The following HSPA8 variants were observed in gnomAD, a reference collection of about 807,000 sequenced individuals.
HSPA8 encodes the protein heat shock protein family A (Hsp70) member 8, also known as heat shock cognate 71 kDa protein.
In HSPA8, 2 loss-of-function variants were observed where a neutral mutation model predicts 52.8. The observed-to-expected ratio is 0.04, with a 90% CI of 0.02 to 0.12. The LOEUF (loss-of-function observed/expected upper bound fraction) is 0.12. HSPA8 is among the 10% of genes least tolerant of loss of function. HSPA8 has a pLI of 1.00. For missense variants in HSPA8, 349 were observed against 800.5 expected (o/e 0.44, Z 6.81); for synonymous variants, 436 against 274.0 (o/e 1.59, Z -5.84).
Position 123,060,300 on chromosome 11 carries a change from AC to A in HSPA8, c.412-33del, listed in dbSNP as rs1453987032. 3.7e-6 allele frequency: 6 copies of A among 1,601,552 alleles called. No homozygotes were observed. In the African/African-American group the frequency reaches 8.0e-5, roughly 21 times the overall value. ...ATAAGGAAAAGACCACAGATTGGTA[AC>A]TATTATACTTACATATATGCAAACT... On this transcript the variant is annotated intron_variant, in intron 3 of 8. Transcript: ENST00000534624.
chr11:123,061,387 C>T (rs1174141021), intron 1 of HSPA8, 58 bp from the exon 2 acceptor site: 10 of 1,320,536 alleles, frequency 7.6e-6, no homozygotes, highest in East Asian at 2.4e-5. Context: ...TTCCCTCATC[C>T]CTTAACAGAA....
At chr11:123,059,349 A>G in intron 5 of HSPA8, 88 bp from the exon 6 acceptor site, 1 of 1,384,036 alleles carries the variant, frequency 7.2e-7, no homozygotes, top group Non-Finnish European at 1.0e-6. Flanking sequence ...TCAGACATCC[A>G]AGGAAGGTGT....
In HSPA8 at chr11:123,058,625, T is replaced by TC; in HGVS notation, c.1522+6dup. 5 of 1,609,374 alleles carry TC rather than the reference T, an allele frequency of 3.1e-6. No individual in the cohort carries two copies. The highest frequency in any genetic ancestry group is 4.3e-6 in the Non-Finnish European group (5 of 1,176,040). On this transcript the variant is annotated splice_region_variant and intron_variant, in intron 7 of 8. Transcript: ENST00000534624. Reference sequence around the variant, plus strand: ...CCTGTCAAGACCAGATGACAGTGCCTCCTTACCCTTGTCATTAGTGATAGT... The same window carrying TC: ...CCTGTCAAGACCAGATGACAGTGCCTCCCTTACCCTTGTCATTAGTGATAGT...
Position 123,062,061 on chromosome 11 carries a change from T to C in HSPA8, c.-6+3A>G, listed in dbSNP as rs1029546458. Reference sequence around the variant, plus strand: ...CAACCCAACTCTTGAGCAGAGGTTTTACCTGGGGTGTAGGCCTGGCTCCAA... The same window carrying C: ...CAACCCAACTCTTGAGCAGAGGTTTCACCTGGGGTGTAGGCCTGGCTCCAA... On this transcript the variant is annotated splice_donor_region_variant and intron_variant, in intron 1 of 8. Transcript: ENST00000534624. 11 of 152,582 alleles carry C rather than the reference T, an allele frequency of 7.2e-5. No homozygotes were observed. The highest frequency in any genetic ancestry group is 2.2e-4 in the African/African-American group (9 of 41,442). The allele number at this position is 152,582 out of a possible 1,614,324, so 9.5% of individuals were successfully genotyped here. A position where few individuals can be genotyped will look rare whatever the true frequency, so the allele number is the denominator to read the frequency against.
chr11:123,059,484 G>A lies in HSPA8; in HGVS notation c.1109C>T (p.Ala370Val). ...NKSINPDEAV[A>V]YGAAVQAAIL... ...GATACCATTGTTACCTGCACCATAA[G>A]CAACAGCTTCATCAGGGTTGATGCT... Residue 370 changes from alanine (A) to valine (V), a missense_variant, in exon 5 of 9, where the codon GCT becomes GTT. Transcript: ENST00000534624. 6.2e-7 allele frequency: 1 copy of A among 1,613,222 alleles called. No individual in the cohort carries two copies. Among genetic ancestry groups the A allele is most frequent in the Non-Finnish European group, 8.5e-7 (1 of 1,179,490 alleles).
intron 8 of HSPA8, 41 bp from the exon 9 acceptor site, chr11:123,057,960 G>A: frequency 1.4e-6 from 2 of 1,463,072 alleles, no homozygotes; most frequent in South Asian, 1.3e-5. Context: ...TTCTTTTAAT[G>A]TTAATAACCC....
chr11:123,058,532 T>C (rs368780294), intron 7 of HSPA8, 48 bp from the exon 8 acceptor site: 15 of 1,585,638 alleles, frequency 9.5e-6, no homozygotes, highest in African/African-American at 1.3e-5. Flanking sequence ...TACCTGTGTA[T>C]GTGTAACTCT....
chr11:123,061,796 G>A (rs1865513425), intron 1 of HSPA8: 1 of 164,798 alleles, frequency 6.1e-6, no homozygotes, highest in Non-Finnish European at 1.3e-5. Flanking sequence ...AACCGATGCA[G>A]CAACCCTCCC....
intron 8 of HSPA8, 45 bp from the exon 9 acceptor site, chr11:123,057,964 A>G (rs1342196732): frequency 1.4e-6 from 2 of 1,449,508 alleles, no homozygotes; most frequent in African/African-American, 2.8e-5. Flanking sequence ...TTTAATGTTA[A>G]TAACCCTTCT....
At position 123,059,056 on chromosome 11, in the gene HSPA8, T is replaced by C. The variant is rs878975592; in HGVS notation, c.1323+3A>G. ...GCCAAACAAGAGAAGTACAGAAACA[T>C]ACCTGAATAAGCACACCAGGCTGGT... is the stretch of plus-strand genomic sequence containing the variant. On this transcript the variant is annotated splice_donor_region_variant and intron_variant, in intron 6 of 8. Transcript: ENST00000534624. The C allele has an allele frequency of 2.5e-6, 4 of 1,611,430 alleles. No individual in the cohort carries two copies. Among genetic ancestry groups the C allele is most frequent in the African/African-American group, 1.3e-5 (1 of 74,892 alleles).
Position 123,060,101 on chromosome 11 carries a change from A to C in HSPA8, c.564+15T>G. The C allele has an allele frequency of 6.2e-7, 1 of 1,614,152 alleles. No individual in the cohort carries two copies. On this transcript the variant is annotated intron_variant, in intron 4 of 8. Transcript: ENST00000534624. ...TCTTAAAATAATCCGAACTTGCATC[A>C]CAAATGGTACATACCTTTTTGTCTA... is the stretch of plus-strand genomic sequence containing the variant.
At chr11:123,061,469 G>T (rs1170463355) in intron 1 of HSPA8, 140 bp from the exon 2 acceptor site, 2 of 679,552 alleles carry the variant, frequency 2.9e-6, no homozygotes, top group African/African-American at 3.6e-5. Context: ...CTAAGCACGC[G>T]CGAGGTCCAG....
chr11:123,061,527 C>T (rs1468702780), intron 1 of HSPA8, 198 bp from the exon 2 acceptor site: 2 of 599,158 alleles, frequency 3.3e-6, no homozygotes, highest in Non-Finnish European at 5.9e-6. Flanking sequence ...GCAGAGCACG[C>T]CCTAGATGAA....
intron 3 of HSPA8, 103 bp downstream of exon 3, chr11:123,060,490 G>A (rs1865461648): frequency 6.0e-6 from 6 of 1,000,418 alleles, no homozygotes; most frequent in Admixed American, 1.9e-5. Flanking sequence ...ACCCTGAGCT[G>A]AGCCCCATCT....
At position 123,058,729 on chromosome 11, in the gene HSPA8, T is replaced by C. The variant is rs760810506; in HGVS notation, c.1425A>G (p.Glu475=). The change falls in exon 7 of 9, where the codon GAA becomes GAG. Residue 475 remains glutamate, a synonymous_variant. Coordinates refer to ENST00000534624, the MANE Select transcript of HSPA8 (RefSeq NM_006597.6). ...CATTGGCATCAATGTCAAAAGTGAC[T>C]TCAATCTGAGGAACACCTCGGGGTG... The part of the protein sequence containing the change: ...PPAPRGVPQI[E]VTFDIDANGI... 3.2e-5 allele frequency: 52 copies of C among 1,613,910 alleles called. No homozygotes were observed. The highest frequency in any genetic ancestry group is 4.3e-5 in the Non-Finnish European group (51 of 1,179,956).
Position 123,060,749 on chromosome 11 carries a change from A to C in HSPA8, c.255T>G (p.Ser85=). ...GRRFDDAVVQ[S]DMKHWPFMVV... ...CCATAAAGGGCCAATGTTTCATATC[A>C]GACTGGACAACAGCATCATCAAATC... is the stretch of plus-strand genomic sequence containing the variant. The change falls in exon 3 of 9, where the codon TCT becomes TCG. Residue 85 remains serine (S), a synonymous_variant. Transcript: ENST00000534624. 1.2e-6 allele frequency: 2 copies of C among 1,614,114 alleles called. No homozygotes were observed. The highest frequency in any genetic ancestry group is 1.7e-6 in the Non-Finnish European group (2 of 1,180,006).
At chr11:123,058,014 A>T in intron 8 of HSPA8, 95 bp from the exon 9 acceptor site, 1 of 1,038,676 alleles carries the variant, frequency 9.6e-7, no homozygotes, top group South Asian at 1.6e-5. Flanking sequence ...TCTGGCGCAA[A>T]CTCTTACAAG....
Position 123,059,230 on chromosome 11 carries a change from C to T in HSPA8, c.1152G>A (p.Lys384=), listed in dbSNP as rs1865415426. Residue 384 remains lysine, a synonymous_variant, in exon 6 of 9, where the codon AAG becomes AAA. Coordinates refer to ENST00000534624, the MANE Select transcript of HSPA8 (RefSeq NM_006597.6). ...AVQAAILSGD[K]SENVQDLLLL... ...GCAGCAAATCTTGAACATTCTCAGA[C>T]TTGTCTCCAGACAAGATGGCTGCCT... 3 of 1,612,878 alleles carry T rather than the reference C, an allele frequency of 1.9e-6. No homozygotes were observed. The highest frequency in any genetic ancestry group is 1.1e-5 in the South Asian group (1 of 91,018).
chr11:123,060,430 C>T (rs1865459110), intron 3 of HSPA8, 162 bp from the exon 4 acceptor site: 15 of 915,876 alleles, frequency 1.6e-5, no homozygotes, highest in Middle Eastern at 4.6e-4. Context: ...CTGGTGTTGA[C>T]AGACCCATCT....
Sources: allele counts gnomAD v4.1 joint callset, GRCh38; gene constraint gnomAD v4.1.1; transcripts MANE v1.5; gene names NCBI Gene and HGNC (gene_info 2026-07-23, HGNC 2026-07-21).